GDA: variants seen among roughly 807,000 people sequenced by gnomAD.
The protein encoded by GDA is cytoplasmic PSD-95 interactor.
Under a neutral mutation model 59.6 loss-of-function variants are expected in GDA, and 18 were observed. The observed-to-expected ratio is 0.30, with a 90% CI of 0.21 to 0.45. GDA has a LOEUF of 0.45. GDA is among the 20% of genes least tolerant of loss of function. The pLI, the probability that GDA is intolerant of heterozygous loss-of-function variation, is 1.00. For synonymous variants in GDA, 201 were observed against 201.1 expected, an observed-to-expected ratio of 1.00 and a Z score of 0.00; for missense variants, 427 against 552.3, an observed-to-expected ratio of 0.77 and a Z score of 2.27.
At chr9:72,174,690 G>A (rs1830349042) in intron 1 of GDA, among the ~76,000 whole-genome samples, 1 of 151,894 alleles carries the variant, frequency 6.6e-6, no homozygotes, top group Non-Finnish European at 1.5e-5. Flanking sequence ...ACAGCTTGAT[G>A]GTAGGCCGGG....
At chr9:72,202,795 T>A in intron 3 of GDA, 53 bp downstream of exon 3, 1 of 1,344,300 alleles carries the variant, frequency 7.4e-7, no homozygotes, top group Non-Finnish European at 1.0e-6. Context: ...TATAGAAATA[T>A]CAGTTTCCTA....
intron 13 of GDA, among the ~76,000 whole-genome samples, chr9:72,247,738 C>T (rs1044804234): frequency 6.6e-6 from 1 of 152,112 alleles, no homozygotes; most frequent in South Asian, 2.1e-4. Context: ...GACATACTGC[C>T]CTGCCATGTT....
chr9:72,147,652 C>T (rs143011652), upstream of GDA, among the ~76,000 whole-genome samples: 8 of 151,266 alleles, frequency 5.3e-5, no homozygotes, highest in East Asian at 1.6e-3. Flanking sequence ...TCATTAAAAC[C>T]TAATCATCAA....
intron 1 of GDA, among the ~76,000 whole-genome samples, chr9:72,175,593 T>G (rs796065438): frequency 2.9e-4 from 44 of 152,292 alleles, no homozygotes; most frequent in African/African-American, 9.4e-4. Flanking sequence ...GTCACTGACT[T>G]TTGGCAATTG....
At chr9:72,129,853 A>T (rs1347346664) in intron 1 of GDA, among the ~76,000 whole-genome samples, 1 of 152,218 alleles carries the variant, frequency 6.6e-6, no homozygotes, top group Non-Finnish European at 1.5e-5. Context: ...GGGAGTTAAC[A>T]GAATGAGTTG....
In GDA at chr9:72,245,956, T is replaced by A. The variant is rs1043070064; in HGVS notation, c.1266+678T>A. Among the ~76,000 whole-genome samples the A allele has an allele frequency of 9.9e-5, 15 of 152,210 alleles. 1 individual carries two copies. The highest frequency in any genetic ancestry group is 4.4e-5 in the Non-Finnish European group (3 of 68,042). On this transcript the variant is annotated intron_variant, in intron 12 of 13. Coordinates refer to ENST00000358399, the MANE Select transcript of GDA (RefSeq NM_004293.5). ...TTAAGTATTGCCATTTCTAAATTGA[T>A]CTACTTGTGAGAGTAATTGCGATAA...
rs1457022765 is a variant in GDA, at chr9:72,233,635, A to G, written c.988+2454A>G. Among the ~76,000 whole-genome samples, 5 of 152,264 alleles carry G rather than the reference A, an allele frequency of 3.3e-5. No individual in the cohort carries two copies. The East Asian group carries it at 5.8e-4, about 18-fold the overall frequency. ...ATTTACCCTAGAGAAATAAACATATATGTTTGCAGAAATAGTTGTATGAGG... is the reference window on the plus strand; with the variant it reads ...ATTTACCCTAGAGAAATAAACATATGTGTTTGCAGAAATAGTTGTATGAGG... On this transcript the variant is annotated intron_variant, in intron 10 of 13. Coordinates refer to ENST00000358399, the MANE Select transcript of GDA (RefSeq NM_004293.5).
At chr9:72,225,822 G>A (rs1440399337) in intron 8 of GDA, 38 bp downstream of exon 8, 6 of 735,626 alleles carry the variant, frequency 8.2e-6, no homozygotes, top group South Asian at 5.8e-5. Context: ...TTTAAAGGAG[G>A]GCATATTTAT....
chr9:72,253,464 T>C (rs1172810879), downstream of GDA: 1 of 152,148 alleles, frequency 6.6e-6, no homozygotes, highest in African/African-American at 2.4e-5. Flanking sequence ...CTAACTGCCC[T>C]GGGAAACTAT....
intron 6 of GDA, among the ~76,000 whole-genome samples, chr9:72,220,907 T>A (rs1363831133): frequency 1.9e-4 from 29 of 152,166 alleles, no homozygotes; most frequent in Non-Finnish European, 4.3e-4. Flanking sequence ...GAGACAATGC[T>A]GTTTCCTGCC....
chr9:72,204,531 T>C (rs562143647), intron 3 of GDA, among the ~76,000 whole-genome samples: 2 of 152,222 alleles, frequency 1.3e-5, no homozygotes, highest in Non-Finnish European at 2.9e-5. Flanking sequence ...AAATCAGTTC[T>C]GAAATTTACA....
chr9:72,149,971 CG>C (rs1462364608), intron 1 of GDA, among the ~76,000 whole-genome samples: 2 of 152,166 alleles, frequency 1.3e-5, no homozygotes, highest in Non-Finnish European at 2.9e-5. Flanking sequence ...TGTCACCCCC[CG>C]CTCCCCCGCC....
chr9:72,245,035 AAT>A, intron 11 of GDA, 111 bp from the exon 12 acceptor site: 3 of 856,786 alleles, frequency 3.5e-6, no homozygotes, highest in South Asian at 3.3e-5. Flanking sequence ...TTAAGATACT[AAT>A]TTTTTTTTTT....
chr9:72,130,867 A>G (rs1355007473), intron 1 of GDA, among the ~76,000 whole-genome samples: 1 of 152,224 alleles, frequency 6.6e-6, no homozygotes, highest in Non-Finnish European at 1.5e-5. Context: ...AGGGGTTTCC[A>G]ATTTTTTCAT....
intron 1 of GDA, among the ~76,000 whole-genome samples, chr9:72,133,195 C>A (rs768419986): frequency 3.9e-4 from 57 of 147,782 alleles, no homozygotes; most frequent in Non-Finnish European, 7.7e-4. Flanking sequence ...GAGGCTGAGG[C>A]AGGGGAATCG....
At chr9:72,172,217 C>G (rs538431231) in intron 1 of GDA, among the ~76,000 whole-genome samples, 2 of 108,054 alleles carry the variant, frequency 1.9e-5, no homozygotes, top group African/African-American at 7.1e-5. Flanking sequence ...GTGTACAAAA[C>G]ATACAATCTA....
chr9:72,213,952 A>G lies in GDA; in HGVS notation c.539A>G (p.Tyr180Cys), dbSNP rs747036622. ...CMDLNDTFPEYKETTEESIKE... is the reference protein window; with the variant it reads ...CMDLNDTFPECKETTEESIKE... ...GATTTGAATGACACTTTTCCAGAAT[A>G]CAAGGAGACCACTGAGGAATCGATC... is the stretch of plus-strand genomic sequence containing the variant. Residue 180 changes from tyrosine (Y) to cysteine (C), a missense_variant, in exon 5 of 14, where the codon TAC (tyrosine) becomes TGC (cysteine). Transcript: ENST00000358399. The G allele has an allele frequency of 1.1e-5, 18 of 1,610,482 alleles. No homozygotes were observed. The highest frequency in any genetic ancestry group is 1.4e-5 in the Non-Finnish European group (16 of 1,176,666).
At chr9:72,183,279 C>G (rs1469614468) in intron 1 of GDA, among the ~76,000 whole-genome samples, 1 of 151,896 alleles carries the variant, frequency 6.6e-6, no homozygotes, top group East Asian at 1.9e-4. Context: ...ATCTCCTGAC[C>G]CTGGGGACTG....
intron 1 of GDA, among the ~76,000 whole-genome samples, chr9:72,167,429 A>G (rs1297574796): frequency 7.2e-5 from 11 of 152,128 alleles, no homozygotes; most frequent in Non-Finnish European, 1.5e-5. Context: ...ACAACTTCTT[A>G]TATATTTACC....
Sources: gnomAD v4.1 joint callset for allele counts (sites outside exome capture counted in the v4.1 genomes callset) on GRCh38, gnomAD v4.1.1 for gene constraint, MANE v1.5 for transcripts, NCBI Gene and HGNC (gene_info 2026-07-23, HGNC 2026-07-21) for gene names.